Variants in PSPC1 observed in about 807,000 individuals in gnomAD.
PSPC1 encodes the protein paraspeckle component 1, also known as paraspeckle protein 1.
Under a neutral mutation model 51.6 loss-of-function variants are expected in PSPC1, and 14 were observed. The observed-to-expected ratio is 0.27, with a 90% CI of 0.18 to 0.42. The LOEUF (loss-of-function observed/expected upper bound fraction) is 0.42. Among genes scored for constraint, PSPC1 ranks in the 10% least tolerant of loss-of-function variants. The probability of loss-of-function intolerance (pLI) is 1.00; values close to 1 mark genes in which losing one functional copy is unlikely to be tolerated. For synonymous variants in PSPC1, 193 were observed against 231.9 expected (o/e 0.83, Z 1.53); for missense variants, 406 against 701.1 (o/e 0.58, Z 4.75).
At chr13:19,708,888 C>T (rs1381571968) in intron 7 of PSPC1, among the ~76,000 whole-genome samples, 1 of 152,094 alleles carries the variant, frequency 6.6e-6, no homozygotes, top group Non-Finnish European at 1.5e-5. Context: ...TTAGGACAGG[C>T]GAGGTGGCTC....
At chr13:19,715,057 G>A (rs962652345) in intron 6 of PSPC1, among the ~76,000 whole-genome samples, 2 of 151,962 alleles carry the variant, frequency 1.3e-5, no homozygotes, top group African/African-American at 4.8e-5. Flanking sequence ...TACACTAAAG[G>A]GAACATTAAA....
At chr13:19,722,511 C>T (rs189180062) in intron 6 of PSPC1, among the ~76,000 whole-genome samples, 11 of 144,790 alleles carry the variant, frequency 7.6e-5, no homozygotes, top group Admixed American at 4.1e-4. Flanking sequence ...AAAAAATTTT[C>T]GGCCAGGTGT....
rs1467321854 is a variant in PSPC1, at chr13:19,758,425, C to CT, written c.770+897dup. ...GAAAATGAGCTATTTTTTGCAACCTCTAAGAGTTTTTCCGCTGTGCCAGGT... is the reference window on the plus strand; with the variant it reads ...GAAAATGAGCTATTTTTTGCAACCTCTTAAGAGTTTTTCCGCTGTGCCAGGT... On this transcript the variant is annotated intron_variant, in intron 3 of 8. Coordinates refer to ENST00000338910, the MANE Select transcript of PSPC1 (RefSeq NM_001354909.2). Among the ~76,000 whole-genome samples, 11 of 152,254 alleles carry CT rather than the reference C, an allele frequency of 7.2e-5. No individual in the cohort carries two copies. In the South Asian group the frequency reaches 1.7e-3, roughly 23 times the overall value.
intron 6 of PSPC1, among the ~76,000 whole-genome samples, chr13:19,695,638 A>C (rs1879117246): frequency 6.6e-6 from 1 of 152,136 alleles, no homozygotes; most frequent in African/African-American, 2.4e-5. Flanking sequence ...GGGGGAGGGA[A>C]CCACATTCCA....
chr13:19,738,350 C>G (rs1216736482), intron 5 of PSPC1, among the ~76,000 whole-genome samples: 1 of 152,098 alleles, frequency 6.6e-6, no homozygotes, highest in Non-Finnish European at 1.5e-5. Flanking sequence ...GAACCTCCCC[C>G]AGATACCAGA....
At chr13:19,703,531 T>G (rs1031197461) in intron 8 of PSPC1, among the ~76,000 whole-genome samples, 171 bp from the exon 9 acceptor site, 2 of 152,192 alleles carry the variant, frequency 1.3e-5, no homozygotes, top group African/African-American at 4.8e-5. Context: ...TTTAATTAGT[T>G]ACTATGTTTT....
rs547587748 is a variant in PSPC1, at chr13:19,689,927, G to A, written c.1159-12104C>T. On this transcript the variant is annotated intron_variant and NMD_transcript_variant, in intron 6 of 7. Coordinates refer to the PSPC1 transcript ENST00000471658. ...TGAACAGTAATATATATGAGGTCAAGGACCATGATAAAAGAAGCAAGCAAC... is the reference window on the plus strand; with the variant it reads ...TGAACAGTAATATATATGAGGTCAAAGACCATGATAAAAGAAGCAAGCAAC... 3.9e-5 allele frequency among the ~76,000 whole-genome samples: 6 copies of A among 152,182 alleles called. No individual in the cohort carries two copies. The South Asian group carries it at 1.0e-3, about 26-fold the overall frequency.
intron 6 of PSPC1, among the ~76,000 whole-genome samples, chr13:19,723,299 C>G (rs376605274): frequency 9.2e-5 from 14 of 152,230 alleles, no homozygotes; most frequent in African/African-American, 3.4e-4. Flanking sequence ...AAATGTTAAT[C>G]AATACAATTA....
intron 6 of PSPC1, among the ~76,000 whole-genome samples, chr13:19,716,942 C>A (rs558852639): frequency 1.3e-5 from 2 of 152,052 alleles, no homozygotes; most frequent in South Asian, 4.1e-4. Flanking sequence ...GTAACCTCAG[C>A]ACTTTGGGGG....
chr13:19,686,986 C>T (rs1310674982), intron 6 of PSPC1, among the ~76,000 whole-genome samples: 4 of 151,974 alleles, frequency 2.6e-5, no homozygotes, highest in South Asian at 4.2e-4. Context: ...CATCTGAGGT[C>T]GGGAGTTCGA....
chr13:19,718,461 A>T (rs1382323857), intron 6 of PSPC1, among the ~76,000 whole-genome samples: 3 of 152,264 alleles, frequency 2.0e-5, no homozygotes, highest in African/African-American at 7.2e-5. Context: ...AATGGTGACA[A>T]TCCGAAACAC....
intron 4 of PSPC1, among the ~76,000 whole-genome samples, chr13:19,748,247 A>C (rs886606009): frequency 1.3e-5 from 2 of 152,152 alleles, no homozygotes; most frequent in African/African-American, 4.8e-5. Flanking sequence ...GAAATACAAA[A>C]TTGTAGAACA....
chr13:19,777,638 G>C (rs530115818), intron 1 of PSPC1, among the ~76,000 whole-genome samples: 1 of 151,952 alleles, frequency 6.6e-6, no homozygotes, highest in South Asian at 2.1e-4. Context: ...CTTACATGTT[G>C]AAGTGTTTGC....
chr13:19,741,115 C>A (rs1250027063), intron 5 of PSPC1, among the ~76,000 whole-genome samples: 2 of 152,162 alleles, frequency 1.3e-5, no homozygotes, highest in Non-Finnish European at 2.9e-5. Context: ...CTCATGTGAT[C>A]TGCCCACCTC....
chr13:19,765,300 GT>G (rs1388522759), intron 2 of PSPC1, among the ~76,000 whole-genome samples: 3 of 149,704 alleles, frequency 2.0e-5, no homozygotes, highest in African/African-American at 7.4e-5. Flanking sequence ...TCCACCCTGG[GT>G]GACAGAATGA....
intron 3 of PSPC1, among the ~76,000 whole-genome samples, chr13:19,753,138 C>G (rs1308506339): frequency 1.3e-5 from 2 of 151,882 alleles, no homozygotes; most frequent in Non-Finnish European, 1.5e-5. Flanking sequence ...CAAAAATCAG[C>G]CAGGCGTGGT....
At chr13:19,754,626 G>C (rs1328654049) in intron 3 of PSPC1, among the ~76,000 whole-genome samples, 1 of 150,494 alleles carries the variant, frequency 6.6e-6, no homozygotes, top group African/African-American at 2.4e-5. Context: ...TTTTAGTAGA[G>C]ACAGGGTTTC....
chr13:19,753,283 CAAAAAAA>C (rs1184204944), intron 3 of PSPC1, among the ~76,000 whole-genome samples: 3 of 64,538 alleles, frequency 4.6e-5, no homozygotes, highest in African/African-American at 1.6e-4. Flanking sequence ...GACTCCATCT[CAAAAAAA>C]AAAAAAAAAA....
chr13:19,708,685 T>C (rs1881014052), intron 7 of PSPC1, among the ~76,000 whole-genome samples: 1 of 152,178 alleles, frequency 6.6e-6, no homozygotes, highest in South Asian at 2.1e-4. Context: ...CTACAAACAC[T>C]GAGTGCACTT....
Sources: gnomAD v4.1 joint callset for allele counts (sites outside exome capture counted in the v4.1 genomes callset) on GRCh38, gnomAD v4.1.1 for gene constraint, MANE v1.5 for transcripts, NCBI Gene and HGNC (gene_info 2026-07-23, HGNC 2026-07-21) for gene names.